The following VPS54 variants were observed in gnomAD, a reference collection of about 807,000 sequenced individuals.
The protein encoded by VPS54 is VPS54 subunit of GARP complex.
Under a neutral mutation model 121.5 loss-of-function variants are expected in VPS54, and 45 were observed. The ratio of observed to expected loss-of-function variants is 0.37; its 90% CI spans 0.29 to 0.47. The LOEUF (loss-of-function observed/expected upper bound fraction) is 0.47, where lower values mean the gene tolerates loss of function less well. Ranked by LOEUF, VPS54 falls within the 20% of genes least tolerant of loss-of-function variation. The pLI is 0.99. For missense variants in VPS54, 1,090 were observed against 1,131.4 expected (o/e 0.96, Z 0.52); for synonymous variants, 371 against 385.8 (o/e 0.96, Z 0.45).
chr2:63,965,235 G>C (rs1675938813), intron 6 of VPS54, among the ~76,000 whole-genome samples: 1 of 152,170 alleles, frequency 6.6e-6, no homozygotes, highest in Non-Finnish European at 1.5e-5. Flanking sequence ...TCAGCACTTT[G>C]GGAGGCCAAG....
chr2:63,931,669 C>T (rs188764655), intron 12 of VPS54, among the ~76,000 whole-genome samples: 76 of 152,268 alleles, frequency 5.0e-4, no homozygotes, highest in African/African-American at 1.7e-3. Context: ...TCTAATTAAA[C>T]GGAAGAGCTT....
chr2:63,902,519 C>CT (rs896530471), intron 20 of VPS54, among the ~76,000 whole-genome samples: 3 of 151,994 alleles, frequency 2.0e-5, no homozygotes, highest in African/African-American at 7.3e-5. Context: ...CTCACAGTCT[C>CT]TACTGTTCTT....
At chr2:63,897,895 T>G (rs1025119078) in intron 21 of VPS54, among the ~76,000 whole-genome samples, 3 of 152,064 alleles carry the variant, frequency 2.0e-5, no homozygotes, top group African/African-American at 7.2e-5. Context: ...AAGTAGGAAG[T>G]TGGTAGGGGA....
intron 4 of VPS54, among the ~76,000 whole-genome samples, chr2:63,970,194 T>TAAA (rs200724977): frequency 1.2e-5 from 1 of 85,484 alleles, no homozygotes; most frequent in East Asian, 2.3e-4. Context: ...TCTTTCCCAT[T>TAAA]AAAAAAAAAT....
rs1199807769 is a variant in VPS54 at position 63,933,946 on chromosome 2, A to G, written c.1466T>C (p.Leu489Ser). Residue 489 changes from leucine (L) to serine (S), a missense_variant, in exon 12 of 23, where the codon TTG becomes TCG. Leu to Ser is a moderately radical substitution (Grantham distance 145, BLOSUM62 -2). This residue lies in a region of VPS54 where 801 missense variants were observed against 757.0 expected (regional missense o/e 1.06). Coordinates refer to ENST00000272322, the MANE Select transcript of VPS54 (RefSeq NM_016516.3). Reference sequence around the variant, plus strand: ...ATTCTTCTGTTGTGAAATCTCTTCCAATTCTCTAGTCCTTTGGTTTTTGTC... The same window carrying G: ...ATTCTTCTGTTGTGAAATCTCTTCCGATTCTCTAGTCCTTTGGTTTTTGTC... ...VLDKNQRTRE[L>S]EEISQQKNAA... 6.2e-7 allele frequency: 1 copy of G among 1,613,618 alleles called. No individual in the cohort carries two copies.
chr2:63,941,321 G>A (rs1485006578), intron 11 of VPS54, among the ~76,000 whole-genome samples: 1 of 150,618 alleles, frequency 6.6e-6, no homozygotes, highest in East Asian at 1.9e-4. Flanking sequence ...ACCTGCTGGG[G>A]TTAGGTGATC....
chr2:63,943,534 G>C (rs1339328245), intron 10 of VPS54, among the ~76,000 whole-genome samples: 1 of 152,094 alleles, frequency 6.6e-6, no homozygotes, highest in African/African-American at 2.4e-5. Flanking sequence ...CTAGATAATA[G>C]TGTGGAAATT....
intron 7 of VPS54, among the ~76,000 whole-genome samples, chr2:63,961,261 T>C (rs1675756499): frequency 6.6e-6 from 1 of 152,222 alleles, no homozygotes. Flanking sequence ...TAAATTTGGT[T>C]TCAGCTTTAA....
chr2:63,926,573 C>G (rs1673913909), intron 12 of VPS54, among the ~76,000 whole-genome samples: 1 of 152,190 alleles, frequency 6.6e-6, no homozygotes, highest in Non-Finnish European at 1.5e-5. Flanking sequence ...GAGATCGACG[C>G]AGAAGACGGG....
chr2:64,002,768 C>G (rs1439809695), intron 1 of VPS54, among the ~76,000 whole-genome samples: 1 of 152,172 alleles, frequency 6.6e-6, no homozygotes, highest in African/African-American at 2.4e-5. Context: ...TCCTATACCA[C>G]TCTTAATTCT....
intron 7 of VPS54, among the ~76,000 whole-genome samples, chr2:63,958,781 C>G (rs760632767): frequency 2.0e-5 from 3 of 152,032 alleles, no homozygotes; most frequent in Non-Finnish European, 4.4e-5. Flanking sequence ...AAAACTTGGA[C>G]TAAGATTCAT....
In VPS54 at chr2:63,897,482, G is replaced by T. The variant is rs745883542; in HGVS notation, c.2828+14C>A. On this transcript the variant is annotated intron_variant, in intron 22 of 22. Coordinates refer to ENST00000272322, the MANE Select transcript of VPS54 (RefSeq NM_016516.3). ...CGATATGGGAGTATATGGTGAAAACGTTAAAAAACATACCCATTTTGAGGT... is the reference window on the plus strand; with the variant it reads ...CGATATGGGAGTATATGGTGAAAACTTTAAAAAACATACCCATTTTGAGGT... 6.5e-7 allele frequency: 1 copy of T among 1,535,636 alleles called. No homozygotes were observed. The highest frequency in any genetic ancestry group is 1.2e-5 in the South Asian group (1 of 82,886).
chr2:63,969,895 G>A (rs1676185590), intron 4 of VPS54, among the ~76,000 whole-genome samples: 1 of 151,350 alleles, frequency 6.6e-6, no homozygotes. Flanking sequence ...ATCCCATCCA[G>A]AATTTCTTAT....
At chr2:64,013,702 GAT>G (rs1009069341) in intron 1 of VPS54, among the ~76,000 whole-genome samples, 2 of 144,860 alleles carry the variant, frequency 1.4e-5, no homozygotes, top group Admixed American at 7.0e-5. Flanking sequence ...CATATATAGA[GAT>G]ATATATATCA....
chr2:63,938,041 T>TGTGTGTGTG lies in VPS54; in HGVS notation c.1399-4037_1399-4029dup, dbSNP rs772336531. Among the ~76,000 whole-genome samples, 100 of 116,152 alleles carry TGTGTGTGTG rather than the reference T, an allele frequency of 8.6e-4. No homozygotes were observed. In the East Asian group the frequency reaches 0.017, roughly 20 times the overall value. The allele number at this position is 116,152 out of a possible 152,430, so 76.2% of individuals were successfully genotyped here. On this transcript the variant is annotated intron_variant, in intron 11 of 22. Transcript: ENST00000272322. ...GGGGATTGGGGAAAGTGGAAACGTGTGTGTGTGTGGTGTGTGTGGTGTGTG... is the reference window on the plus strand; with the variant it reads ...GGGGATTGGGGAAAGTGGAAACGTGTGTGTGTGTGGTGTGTGTGGTGTGTGTGGTGTGTG...
intron 15 of VPS54, among the ~76,000 whole-genome samples, chr2:63,919,341 T>C (rs1327258330): frequency 6.6e-6 from 1 of 152,082 alleles, no homozygotes; most frequent in Non-Finnish European, 1.5e-5. Flanking sequence ...TGTGATTGCT[T>C]ATGTATTTTT....
chr2:63,991,222 G>A (rs540637287), intron 1 of VPS54, among the ~76,000 whole-genome samples: 1 of 152,134 alleles, frequency 6.6e-6, no homozygotes, highest in African/African-American at 2.4e-5. Context: ...GGTTAAACAA[G>A]GTCATGATGA....
At chr2:63,908,917 C>T (rs1481225645) in intron 20 of VPS54, among the ~76,000 whole-genome samples, 1 of 152,180 alleles carries the variant, frequency 6.6e-6, no homozygotes, top group Non-Finnish European at 1.5e-5. Context: ...GAATTTAGGT[C>T]TACCTGACTC....
At chr2:63,971,704 G>A (rs964497657) in intron 4 of VPS54, among the ~76,000 whole-genome samples, 1 of 152,314 alleles carries the variant, frequency 6.6e-6, no homozygotes, top group Non-Finnish European at 1.5e-5. Context: ...TTAATATACA[G>A]TGATACAATT....
Sources: gnomAD v4.1 joint callset for allele counts (sites outside exome capture counted in the v4.1 genomes callset) on GRCh38, gnomAD v4.1.1 for gene constraint, gnomAD v4.1.1 regional missense constraint, MANE v1.5 for transcripts, NCBI Gene and HGNC (gene_info 2026-07-23, HGNC 2026-07-21) for gene names.